The following CELF2 variants were observed in gnomAD, a reference collection of about 807,000 sequenced individuals.
CELF2 encodes CUGBP Elav-like family member 2.
A neutral mutation model predicts 62.6 loss-of-function variants in CELF2; 8 were observed. That is an observed-to-expected ratio of 0.13 (90% CI 0.07 to 0.23). CELF2 has a LOEUF of 0.23. Ranked by LOEUF, CELF2 falls within the 10% of genes least tolerant of loss-of-function variation. The pLI, the probability that CELF2 is intolerant of heterozygous loss-of-function variation, is 1.00. For synonymous variants in CELF2, 258 were observed against 250.0 expected (o/e 1.03, Z -0.30); for missense variants, 333 against 671.0 (o/e 0.50, Z 5.56).
At position 11,129,144 on chromosome 10, in the gene CELF2, T is replaced by C. The variant is rs555651108; in HGVS notation, c.75-36342T>C. Among the ~76,000 whole-genome samples, 238 of 152,308 alleles carry C rather than the reference T, an allele frequency of 1.6e-3. 1 individual carries two copies. The highest frequency in any genetic ancestry group is 5.5e-3 in the African/African-American group (227 of 41,560). On this transcript the variant is annotated intron_variant, in intron 1 of 12. Coordinates refer to ENST00000633077, the MANE Select transcript of CELF2 (RefSeq NM_001326342.2). ...GCATCTATTGAGATAATCATGTGGT[T>C]TTTGTCTTTGGTTCTGTTTATATGA...
At position 10,957,400 on chromosome 10, in the gene CELF2, T is replaced by C. The variant is rs1006522132; in HGVS notation, c.89+37401T>C. Among the ~76,000 whole-genome samples the C allele has an allele frequency of 6.6e-6, 1 of 152,212 alleles. No homozygotes were observed. The highest frequency in any genetic ancestry group is 1.5e-5 in the Non-Finnish European group (1 of 68,038). On this transcript the variant is annotated intron_variant, in intron 2 of 13. Transcript: ENST00000636488. This position sits in a 1 kb window ranked among gnomAD's most constrained non-coding sequence, Gnocchi z 4.1. ...CTGAAGGATGATCTCAGATGCCTTC[T>C]GTTTGAATGTAAGAGGATGAATTGA...
intron 2 of CELF2, among the ~76,000 whole-genome samples, chr10:10,981,605 A>T (rs1274995723): frequency 6.6e-6 from 1 of 152,188 alleles, no homozygotes; most frequent in African/African-American, 2.4e-5. Context: ...GGAAATAGGT[A>T]TTTCCAACAG....
the CELF2 span, among the ~76,000 whole-genome samples, chr10:10,661,540 C>A: frequency 6.6e-6 from 1 of 152,140 alleles, no homozygotes; most frequent in Non-Finnish European, 1.5e-5. Flanking sequence ...TGGATATATA[C>A]CTAGGAGTGG....
chr10:10,592,036 G>A, the CELF2 span, among the ~76,000 whole-genome samples: 3 of 151,984 alleles, frequency 2.0e-5, no homozygotes, highest in South Asian at 2.1e-4. Flanking sequence ...AAAAAAATCC[G>A]TAATCAACAT....
Position 11,207,478 on chromosome 10 carries a change from G to C in CELF2, c.272-9947G>C, listed in dbSNP as rs1027590009. On this transcript the variant is annotated intron_variant, in intron 2 of 12. Coordinates refer to ENST00000633077, the MANE Select transcript of CELF2 (RefSeq NM_001326342.2). This position sits in a 1 kb window ranked among gnomAD's most constrained non-coding sequence, Gnocchi z 4.1. ...TGCCAGGGACCCCAGTGAGATCATT[G>C]TTCCCTCCCGGGCTGAAAAGGTGGC... 3.3e-5 allele frequency among the ~76,000 whole-genome samples: 5 copies of C among 152,198 alleles called. No homozygotes were observed. Among genetic ancestry groups the C allele is most frequent in the African/African-American group, 1.2e-4 (5 of 41,444 alleles).
chr10:11,012,163 T>A lies in CELF2; in HGVS notation c.53+6723T>A, dbSNP rs2056570574. ...CTCTTTGACAGAATGAAATGCTGAA[T>A]CCAACAAGTCTGGTTCTTAAGCCTC... On this transcript the variant is annotated intron_variant, in intron 1 of 12. Coordinates refer to the CELF2 transcript ENST00000416382. The surrounding 1 kb of genome is among the most constrained non-coding windows in gnomAD (Gnocchi z 5.5). Among the ~76,000 whole-genome samples the A allele has an allele frequency of 6.6e-6, 1 of 152,208 alleles. No homozygotes were observed. The highest frequency in any genetic ancestry group is 2.4e-5 in the African/African-American group (1 of 41,458).
intron 1 of CELF2, among the ~76,000 whole-genome samples, chr10:10,870,283 T>G (rs2060656292): frequency 6.6e-6 from 1 of 152,182 alleles, no homozygotes; most frequent in African/African-American, 2.4e-5. Flanking sequence ...AAAAAGGCCA[T>G]AAGTCATTGA....
At chr10:10,525,950 A>G in the CELF2 span, among the ~76,000 whole-genome samples, 1 of 152,224 alleles carries the variant, frequency 6.6e-6, no homozygotes, top group South Asian at 2.1e-4. Context: ...CCAACCATAT[A>G]CAATGGCTCT....
At chr10:11,160,760 T>C (rs926974786) in intron 1 of CELF2, among the ~76,000 whole-genome samples, 1 of 152,194 alleles carries the variant, frequency 6.6e-6, no homozygotes, top group African/African-American at 2.4e-5. Context: ...TGTGTGCTTT[T>C]TTATTTAGTT....
chr10:10,891,282 G>A (rs2062118963), intron 1 of CELF2, among the ~76,000 whole-genome samples: 1 of 151,954 alleles, frequency 6.6e-6, no homozygotes, highest in Non-Finnish European at 1.5e-5. Flanking sequence ...GGGCGTCTGG[G>A]GAGCAAGCAA....
intron 1 of CELF2, among the ~76,000 whole-genome samples, chr10:11,144,318 T>C (rs1443879382): frequency 1.3e-5 from 2 of 152,176 alleles, no homozygotes; most frequent in Non-Finnish European, 2.9e-5. Context: ...AAATAGTAGT[T>C]CGATATTATA....
chr10:11,102,230 C>T (rs1200901423), intron 1 of CELF2: 1 of 152,222 alleles, frequency 6.6e-6, no homozygotes, highest in Non-Finnish European at 1.5e-5. Context: ...TTACTTAAGC[C>T]TTCCTTCCAG....
At chr10:11,126,121 A>G (rs769688534) in intron 1 of CELF2, among the ~76,000 whole-genome samples, 27 of 152,350 alleles carry the variant, frequency 1.8e-4, no homozygotes, top group Admixed American at 4.6e-4. Flanking sequence ...CTGGAAGACA[A>G]TGACCAAGTA....
At chr10:10,558,202 G>A in the CELF2 span, among the ~76,000 whole-genome samples, 25 of 152,084 alleles carry the variant, frequency 1.6e-4, no homozygotes, top group South Asian at 6.2e-4. Flanking sequence ...ATTTTGAAAT[G>A]CGTCCCATCA....
the CELF2 span, among the ~76,000 whole-genome samples, chr10:10,768,171 A>AAAAAAAACAAAACAAAACAAAAC: frequency 2.0e-4 from 31 of 151,602 alleles, no homozygotes; most frequent in African/African-American, 7.2e-4. Flanking sequence ...GTCTCAAAAA[A>AAAAAAAACAAAACAAAACAAAAC]AAAAAAAAAA....
chr10:10,839,161 A>G (rs528095018), intron 1 of CELF2, among the ~76,000 whole-genome samples: 3 of 152,266 alleles, frequency 2.0e-5, no homozygotes, highest in South Asian at 2.1e-4. Flanking sequence ...CAAAAATTAT[A>G]TTAGAAACCA....
intron 2 of CELF2, among the ~76,000 whole-genome samples, chr10:10,991,496 T>A (rs2053439033): frequency 6.6e-6 from 1 of 152,174 alleles, no homozygotes; most frequent in South Asian, 2.1e-4. Flanking sequence ...CACACCTGCC[T>A]GTCCCCAACA....
the CELF2 span, among the ~76,000 whole-genome samples, chr10:10,581,555 C>T: frequency 6.6e-6 from 1 of 152,140 alleles, no homozygotes; most frequent in African/African-American, 2.4e-5. Context: ...GTCTCCCTCT[C>T]ACATTCAGGC....
chr10:10,825,887 G>T (rs2057349696), intron 1 of CELF2, among the ~76,000 whole-genome samples: 1 of 152,164 alleles, frequency 6.6e-6, no homozygotes, highest in Non-Finnish European at 1.5e-5. Flanking sequence ...CATGTCCAAA[G>T]ATCATCTTCA....
Sources: allele counts gnomAD v4.1 joint callset (sites outside exome capture counted in the v4.1 genomes callset), GRCh38; gene constraint gnomAD v4.1.1; non-coding constraint Gnocchi (gnomAD v3.1); transcripts MANE v1.5; gene names NCBI Gene and HGNC (gene_info 2026-07-23, HGNC 2026-07-21).